KIDINS220: variants seen among roughly 807,000 people sequenced by gnomAD.
KIDINS220 encodes kinase D interacting substrate 220, also known as kinase D-interacting substrate of 220 kDa.
In KIDINS220, 63 loss-of-function variants were observed where a neutral mutation model predicts 157.6. That is an observed-to-expected ratio of 0.40 (90% CI 0.33 to 0.49). The LOEUF (loss-of-function observed/expected upper bound fraction) is 0.49. Ranked by LOEUF, KIDINS220 falls within the 20% of genes least tolerant of loss-of-function variation. The probability of loss-of-function intolerance (pLI) is 0.66; values close to 1 mark genes in which losing one functional copy is unlikely to be tolerated. For synonymous variants in KIDINS220, 732 were observed against 783.6 expected (o/e 0.93, Z 1.10); for missense variants, 1,772 against 2,171.2 (o/e 0.82, Z 3.65).
At chr2:8,745,428 C>A (rs1016090771) in intron 26 of KIDINS220, among the ~76,000 whole-genome samples, 1 of 152,184 alleles carries the variant, frequency 6.6e-6, no homozygotes. Flanking sequence ...AAATAATCAT[C>A]AACCTCTCAA....
At chr2:8,727,423 T>C (rs555481361), downstream of KIDINS220, among the ~76,000 whole-genome samples, 1 of 152,362 alleles carries the variant, frequency 6.6e-6, no homozygotes, top group South Asian at 2.1e-4. Flanking sequence ...TCCTGGTAGA[T>C]AGGTTGATTT....
At chr2:8,776,997 G>C (rs1455321769) in intron 20 of KIDINS220, 105 bp from the exon 21 acceptor site, 6 of 1,243,542 alleles carry the variant, frequency 4.8e-6, no homozygotes, top group Non-Finnish European at 5.6e-6. Context: ...AAAATCCAAA[G>C]TTTTAGTCAA....
At chr2:8,747,823 A>G in intron 25 of KIDINS220, 64 bp downstream of exon 25, 2 of 1,044,512 alleles carry the variant, frequency 1.9e-6, no homozygotes, top group Non-Finnish European at 2.7e-6. Flanking sequence ...GAAATAACCA[A>G]ACCTCAAATG....
chr2:8,766,832 G>A (rs1669556172), intron 22 of KIDINS220, among the ~76,000 whole-genome samples: 1 of 152,104 alleles, frequency 6.6e-6, no homozygotes, highest in African/African-American at 2.4e-5. Context: ...ATGATTTAAA[G>A]ATACATCAAA....
chr2:8,737,924 T>C (rs1206580530), intron 26 of KIDINS220, among the ~76,000 whole-genome samples: 3 of 152,234 alleles, frequency 2.0e-5, no homozygotes, highest in African/African-American at 7.2e-5. Context: ...CTTAACATAA[T>C]GTTTTCAAGG....
chr2:8,785,704 G>A (rs768015462), intron 17 of KIDINS220, 37 bp downstream of exon 17: 11 of 1,551,350 alleles, frequency 7.1e-6, no homozygotes, highest in East Asian at 4.5e-5. Context: ...CAACATATTC[G>A]CATTACAATT....
chr2:8,744,484 C>A lies in KIDINS220; in HGVS notation c.3585+2661G>T, dbSNP rs112305407. 7.1e-4 allele frequency among the ~76,000 whole-genome samples: 91 copies of A among 128,210 alleles called. No individual in the cohort carries two copies. In the South Asian group the frequency reaches 7.4e-3, roughly 10 times the overall value. The allele number at this position is 128,210 out of a possible 152,430, so 84.1% of individuals were successfully genotyped here. A position where few individuals can be genotyped will look rare whatever the true frequency, so the allele number is the denominator to read the frequency against. ...TTTTGAAAAGACCATAGCTGGTTAACCCCTTATGGCCTGGCTTTTTTAACA... is the reference window on the plus strand; with the variant it reads ...TTTTGAAAAGACCATAGCTGGTTAAACCCTTATGGCCTGGCTTTTTTAACA... On this transcript the variant is annotated intron_variant, in intron 26 of 29. Coordinates refer to ENST00000256707, the MANE Select transcript of KIDINS220 (RefSeq NM_020738.4).
intron 2 of KIDINS220, among the ~76,000 whole-genome samples, chr2:8,826,071 G>A (rs930826599): frequency 2.3e-4 from 35 of 152,100 alleles, no homozygotes; most frequent in African/African-American, 8.2e-4. Context: ...GTGACAGAGT[G>A]AGACTCCATC....
chr2:8,823,204 C>T (rs2148419280), intron 2 of KIDINS220, among the ~76,000 whole-genome samples: 1 of 152,256 alleles, frequency 6.6e-6, no homozygotes, highest in African/African-American at 2.4e-5. Context: ...TCAAGAGATT[C>T]AGCCTCTCAA....
At chr2:8,761,642 A>C (rs1668761035) in intron 22 of KIDINS220, among the ~76,000 whole-genome samples, 1 of 152,178 alleles carries the variant, frequency 6.6e-6, no homozygotes, top group Admixed American at 6.5e-5. Context: ...ACAAAAAAGG[A>C]AATTCAACCT....
rs1463540964 is a variant in KIDINS220, at chr2:8,796,938, A to T, written c.1000-69T>A. On this transcript the variant is annotated intron_variant, in intron 10 of 29. Transcript: ENST00000256707. The stretch of plus-strand genomic sequence containing the variant: ...TCCTGTGTTTATGTCATACAAATGC[A>T]CATGTCAAGAAATATCTGACTCTGG... 26 of 1,100,676 alleles carry T rather than the reference A, an allele frequency of 2.4e-5. 3 individuals carry two copies. The Admixed American group carries it at 4.2e-4, about 18-fold the overall frequency. 68.2% of individuals were successfully genotyped at this position (1,100,676 alleles called of 1,614,324 possible). A position where few individuals can be genotyped will look rare whatever the true frequency, so the allele number is the denominator to read the frequency against.
downstream of KIDINS220, chr2:8,723,251 CCACATGCGT>C (rs1247398187): frequency 6.6e-6 from 1 of 152,298 alleles, no homozygotes; most frequent in African/African-American, 2.4e-5. Context: ...GACGGGGAAG[CCACATGCGT>C]CACTTCCAGG....
chr2:8,757,726 C>A (rs1668199110), intron 22 of KIDINS220: 1 of 1,612,512 alleles, frequency 6.2e-7, no homozygotes, highest in Non-Finnish European at 8.5e-7. Context: ...ATCAACATGG[C>A]AACTAACACT....
intron 1 of KIDINS220, among the ~76,000 whole-genome samples, chr2:8,833,479 CTT>C (rs34083774): frequency 1.9e-3 from 250 of 129,064 alleles, no homozygotes; most frequent in African/African-American, 2.2e-3. Flanking sequence ...TTAAATTTGT[CTT>C]TTTTTTTTTT....
At chr2:8,791,777 G>A (rs1025903283) in intron 12 of KIDINS220, among the ~76,000 whole-genome samples, 14 of 152,044 alleles carry the variant, frequency 9.2e-5, no homozygotes, top group Non-Finnish European at 1.8e-4. Context: ...ATGATTCCAG[G>A]AAGAAAGGTT....
chr2:8,820,151 A>AC (rs2148406912), intron 2 of KIDINS220, among the ~76,000 whole-genome samples: 1 of 152,220 alleles, frequency 6.6e-6, no homozygotes, highest in South Asian at 2.1e-4. Context: ...CTGGCCCTCG[A>AC]CCCAGTCTGT....
At chr2:8,822,210 A>G (rs764806753) in intron 2 of KIDINS220, among the ~76,000 whole-genome samples, 1 of 152,246 alleles carries the variant, frequency 6.6e-6, no homozygotes, top group Non-Finnish European at 1.5e-5. Context: ...ATTTAAGTGT[A>G]TGAGACCTAA....
At chr2:8,823,805 T>G (rs977786833) in intron 2 of KIDINS220, among the ~76,000 whole-genome samples, 1 of 152,214 alleles carries the variant, frequency 6.6e-6, no homozygotes, top group Admixed American at 6.5e-5. Context: ...GTAATCTTTT[T>G]GTAACAACCT....
chr2:8,790,810 T>C (rs995773591), intron 13 of KIDINS220, among the ~76,000 whole-genome samples: 4 of 152,054 alleles, frequency 2.6e-5, no homozygotes, highest in African/African-American at 9.7e-5. Context: ...CCATGCAAAT[T>C]GACAAGTCTG....
Sources: allele counts gnomAD v4.1 joint callset (sites outside exome capture counted in the v4.1 genomes callset), GRCh38; gene constraint gnomAD v4.1.1; transcripts MANE v1.5; gene names NCBI Gene and HGNC (gene_info 2026-07-23, HGNC 2026-07-21).